Variants in THSD7A observed in about 807,000 individuals in gnomAD.
The protein encoded by THSD7A is thrombospondin type 1 domain containing 7A.
Under a neutral mutation model 231.3 loss-of-function variants are expected in THSD7A, and 96 were observed. The ratio of observed to expected loss-of-function variants is 0.41; its 90% CI spans 0.35 to 0.49. THSD7A has a LOEUF of 0.49. Among genes scored for constraint, THSD7A ranks in the 20% least tolerant of loss-of-function variants. The pLI is 0.05. For synonymous variants in THSD7A, 940 were observed against 743.3 expected (o/e 1.26, Z -4.30); for missense variants, 2,290 against 2,070.2 (o/e 1.11, Z -2.06).
At chr7:11,412,388 G>A (rs970678052) in intron 18 of THSD7A, among the ~76,000 whole-genome samples, 15 of 152,120 alleles carry the variant, frequency 9.9e-5, no homozygotes, top group Non-Finnish European at 4.4e-5. Flanking sequence ...GAAGTGAGAG[G>A]TTGTCTTATG....
At position 11,564,181 on chromosome 7, in the gene THSD7A, A is replaced by G. The variant is rs1011902179; in HGVS notation, c.1454-21064T>C. On this transcript the variant is annotated intron_variant, in intron 4 of 27. Transcript: ENST00000423059. ...TTTGAAAAAAGGACGTTTTAGGTCC[A>G]GACTGAAACCTGAAGAGCATTCCTT... Among the ~76,000 whole-genome samples the G allele has an allele frequency of 3.9e-5, 6 of 152,372 alleles. 2 individuals are homozygous for G. The highest frequency in any genetic ancestry group is 6.5e-5 in the Admixed American group (1 of 15,294).
chr7:11,660,872 G>T (rs559601148), intron 1 of THSD7A, among the ~76,000 whole-genome samples: 1 of 151,554 alleles, frequency 6.6e-6, no homozygotes, highest in East Asian at 1.9e-4. Context: ...AAAAGCTGGA[G>T]AAATGTTTAA....
intron 4 of THSD7A, among the ~76,000 whole-genome samples, chr7:11,584,417 G>C (rs1011372935): frequency 6.6e-6 from 1 of 151,998 alleles, no homozygotes; most frequent in Admixed American, 6.6e-5. Context: ...TAAAATATAA[G>C]AGTGTTTAAT....
chr7:11,622,257 T>A lies in THSD7A; in HGVS notation c.1022+13873A>T, dbSNP rs138992753. ...TTCCTCATTATTCAATATAACCCCA[T>A]CTTTTTTGAAAGAGATTTAAAAAAC... On this transcript the variant is annotated intron_variant, in intron 2 of 27. Coordinates refer to ENST00000423059, the MANE Select transcript of THSD7A (RefSeq NM_015204.3). Among the ~76,000 whole-genome samples the A allele has an allele frequency of 4.5e-3, 685 of 152,198 alleles. 3 individuals are homozygous for A. The highest frequency in any genetic ancestry group is 0.015 in the African/African-American group (641 of 41,566).
At chr7:11,646,334 G>T (rs929099952) in intron 1 of THSD7A, among the ~76,000 whole-genome samples, 5 of 152,016 alleles carry the variant, frequency 3.3e-5, no homozygotes, top group African/African-American at 1.2e-4. Context: ...AATGTGATTG[G>T]CAGCAGAGTA....
At chr7:11,799,299 T>A (rs1272681533) in intron 1 of THSD7A, among the ~76,000 whole-genome samples, 1 of 152,178 alleles carries the variant, frequency 6.6e-6, no homozygotes, top group South Asian at 2.1e-4. Flanking sequence ...AGCATACGGA[T>A]TGGCACAAAT....
intron 1 of THSD7A, among the ~76,000 whole-genome samples, chr7:11,649,469 G>A (rs1782410887): frequency 2.0e-5 from 3 of 152,016 alleles, no homozygotes; most frequent in African/African-American, 7.2e-5. Flanking sequence ...TACAGATTAT[G>A]GTGGCTGGAA....
chr7:11,567,679 G>T (rs1465879186), intron 4 of THSD7A, among the ~76,000 whole-genome samples: 1 of 152,138 alleles, frequency 6.6e-6, no homozygotes, highest in Non-Finnish European at 1.5e-5. Context: ...CTGAGCTGCA[G>T]GATATTTAAG....
In THSD7A at chr7:11,537,364, T is replaced by C. The variant is rs1313218856; in HGVS notation, c.1822+4055A>G. Among the ~76,000 whole-genome samples, 3 of 152,188 alleles carry C rather than the reference T, an allele frequency of 2.0e-5. No individual in the cohort carries two copies. In the East Asian group the frequency reaches 5.8e-4, roughly 29 times the overall value. On this transcript the variant is annotated intron_variant, in intron 6 of 27. Transcript: ENST00000423059. ...GAAATGTAATCCCCACTGTTGGAGG[T>C]GGCGTCTGGTGGGACGTGATTGGAT...
At position 11,377,438 on chromosome 7, in the gene THSD7A, C is replaced by A. The variant is rs1049887115; in HGVS notation, c.4802-781G>T. ...TGATCCTCACATCAACATATATTTT[C>A]TGTTGCAATTAAATATTTGATCTTA... On this transcript the variant is annotated intron_variant, in intron 26 of 27. Transcript: ENST00000423059. The surrounding 1 kb of genome is among the most constrained non-coding windows in gnomAD (Gnocchi z 4.5). Among the ~76,000 whole-genome samples the A allele has an allele frequency of 6.6e-6, 1 of 151,932 alleles. No individual in the cohort carries two copies. The highest frequency in any genetic ancestry group is 1.5e-5 in the Non-Finnish European group (1 of 67,960).
At chr7:11,500,141 C>T (rs959639383) in intron 6 of THSD7A, among the ~76,000 whole-genome samples, 3 of 151,926 alleles carry the variant, frequency 2.0e-5, no homozygotes, top group African/African-American at 7.3e-5. Context: ...ACTCTATAAG[C>T]CAGAAGAGAT....
At chr7:11,682,281 T>A (rs1171729400) in intron 1 of THSD7A, among the ~76,000 whole-genome samples, 1 of 152,084 alleles carries the variant, frequency 6.6e-6, no homozygotes, top group African/African-American at 2.4e-5. Flanking sequence ...GTAAACAGCC[T>A]CAATGCTCTA....
At chr7:11,658,225 G>A (rs541982892) in intron 1 of THSD7A, among the ~76,000 whole-genome samples, 18 of 151,926 alleles carry the variant, frequency 1.2e-4, no homozygotes, top group African/African-American at 3.9e-4. Context: ...TTCTTTTTAA[G>A]AGAGAGTCAC....
In THSD7A at chr7:11,406,983, T is replaced by A. The variant is rs773004615; in HGVS notation, c.3989A>T (p.Asp1330Val). 1 of 1,613,866 alleles carries A rather than the reference T, an allele frequency of 6.2e-7. No homozygotes were observed. Among genetic ancestry groups the A allele is most frequent in the South Asian group, 1.1e-5 (1 of 91,054 alleles). ...CTTCACTGGGCAGGGTTTGGACTGG[T>A]CCATCAGGGAAGGGCATGGTCTTCC... ...GDGRPCPSLM[D>V]QSKPCPVKPC... Residue 1330 changes from aspartate to valine, a missense_variant, in exon 21 of 28, where the codon GAC becomes GTC. Coordinates refer to ENST00000423059, the MANE Select transcript of THSD7A (RefSeq NM_015204.3). The surrounding 1 kb of genome is among the most constrained non-coding windows in gnomAD (Gnocchi z 4.7).
chr7:11,441,551 C>T (rs1784804058), intron 13 of THSD7A, among the ~76,000 whole-genome samples: 1 of 152,036 alleles, frequency 6.6e-6, no homozygotes. Context: ...GTTAGGCTCT[C>T]AATACATTTC....
rs924885271 is a variant in THSD7A at position 11,715,027 on chromosome 7, G to A, written c.191-78066C>T. On this transcript the variant is annotated intron_variant, in intron 1 of 27. Transcript: ENST00000423059. ...CCATGGTTCTCTCCTTCTTTATAGC[G>A]AAGGGTTATTTGTGTTGAATAACAA... Among the ~76,000 whole-genome samples, 6 of 151,322 alleles carry A rather than the reference G, an allele frequency of 4.0e-5. No homozygotes were observed. In the South Asian group the frequency reaches 6.2e-4, roughly 16 times the overall value.
chr7:11,436,468 C>G (rs1784636113), intron 13 of THSD7A, among the ~76,000 whole-genome samples: 1 of 152,022 alleles, frequency 6.6e-6, no homozygotes, highest in East Asian at 1.9e-4. Context: ...TTATACAGGT[C>G]TATTTACCCT....
chr7:11,673,375 C>G (rs1182264564), intron 1 of THSD7A, among the ~76,000 whole-genome samples: 1 of 152,140 alleles, frequency 6.6e-6, no homozygotes, highest in Admixed American at 6.5e-5. Flanking sequence ...CTTCCCTGTG[C>G]TGTGCAACTA....
rs528738048 is a variant in THSD7A, at chr7:11,637,783, GT to G, written c.191-823del. On this transcript the variant is annotated intron_variant, in intron 1 of 27. Coordinates refer to ENST00000423059, the MANE Select transcript of THSD7A (RefSeq NM_015204.3). This position sits in a 1 kb window ranked among gnomAD's most constrained non-coding sequence, Gnocchi z 4.2. ...TCAGTGGCTTTAATATGAAATATGG[GT>G]TTTTTTCTGTGAAATCCTTCTTAGA... 2.0e-5 allele frequency among the ~76,000 whole-genome samples: 3 copies of G among 151,888 alleles called. No homozygotes were observed. Among genetic ancestry groups the G allele is most frequent in the African/African-American group, 4.8e-5 (2 of 41,318 alleles).
Sources: allele counts gnomAD v4.1 joint callset (sites outside exome capture counted in the v4.1 genomes callset), GRCh38; gene constraint gnomAD v4.1.1; non-coding constraint Gnocchi (gnomAD v3.1); transcripts MANE v1.5; gene names NCBI Gene and HGNC (gene_info 2026-07-23, HGNC 2026-07-21).